GREB1: variants seen among roughly 807,000 people sequenced by gnomAD.
The protein encoded by GREB1 is protein GREB1.
A neutral mutation model predicts 200.7 loss-of-function variants in GREB1; 106 were observed. The ratio of observed to expected loss-of-function variants is 0.53; its 90% CI spans 0.45 to 0.62. The LOEUF (loss-of-function observed/expected upper bound fraction) is 0.62. Among genes scored for constraint, GREB1 ranks in the 20% least tolerant of loss-of-function variants. The pLI is 0.00. For synonymous variants in GREB1, 1,132 were observed against 1,092.4 expected, an observed-to-expected ratio of 1.04 and a Z score of -0.72; for missense variants, 2,243 against 2,556.8, an observed-to-expected ratio of 0.88 and a Z score of 2.65.
At chr2:11,573,239 G>A (rs770836751) in intron 4 of GREB1, among the ~76,000 whole-genome samples, 7 of 152,176 alleles carry the variant, frequency 4.6e-5, no homozygotes, top group Non-Finnish European at 8.8e-5. Context: ...CGCCCAGGAC[G>A]TGCTTGTTAA....
chr2:11,586,613 C>G (rs1680126474), intron 9 of GREB1, among the ~76,000 whole-genome samples: 1 of 152,200 alleles, frequency 6.6e-6, no homozygotes, highest in Non-Finnish European at 1.5e-5. Flanking sequence ...GGGCACGGCA[C>G]ACACACACCG....
At chr2:11,505,335 A>C (rs1673151413) in intron 1 of GREB1, among the ~76,000 whole-genome samples, 1 of 151,906 alleles carries the variant, frequency 6.6e-6, no homozygotes, top group South Asian at 2.1e-4. Flanking sequence ...AATGTCTCCT[A>C]ATGGCTCTGC....
At chr2:11,596,336 A>T in intron 13 of GREB1, 97 bp downstream of exon 13, 5 of 805,798 alleles carry the variant, frequency 6.2e-6, no homozygotes, top group South Asian at 1.6e-5. Context: ...GAGAGGGGCC[A>T]TGGCGCAAGT....
Position 11,634,418 on chromosome 2 carries a change from C to G in GREB1, c.5210+69C>G. Reference sequence around the variant, plus strand: ...GCGCAGAGTCCTGAGTGAGGGCAGCCTGGGGCTGCAGAGGCGTCCTGGCTG... The same window carrying G: ...GCGCAGAGTCCTGAGTGAGGGCAGCGTGGGGCTGCAGAGGCGTCCTGGCTG... On this transcript the variant is annotated intron_variant, in intron 29 of 32. Coordinates refer to ENST00000381486, the MANE Select transcript of GREB1 (RefSeq NM_014668.4). The G allele has an allele frequency of 3.1e-6, 4 of 1,293,922 alleles. No homozygotes were observed. In the South Asian group the frequency reaches 3.8e-5, roughly 12 times the overall value. 80.2% of individuals were successfully genotyped at this position (1,293,922 alleles called of 1,614,324 possible). A position where few individuals can be genotyped will look rare whatever the true frequency, so the allele number is the denominator to read the frequency against.
chr2:11,529,288 G>A (rs2148487028), upstream of GREB1, among the ~76,000 whole-genome samples: 1 of 152,322 alleles, frequency 6.6e-6, no homozygotes, highest in South Asian at 2.1e-4. Flanking sequence ...AAGATAAACT[G>A]AGGCGCTGGC....
intron 1 of GREB1, among the ~76,000 whole-genome samples, chr2:11,499,517 C>G (rs1279505663): frequency 2.6e-5 from 4 of 152,264 alleles, no homozygotes; most frequent in Non-Finnish European, 4.4e-5. Flanking sequence ...CTGTTAATTT[C>G]AGGCAAGAGC....
intron 4 of GREB1, among the ~76,000 whole-genome samples, chr2:11,571,529 C>T (rs2147999077): frequency 6.6e-6 from 1 of 152,314 alleles, no homozygotes; most frequent in Non-Finnish European, 1.5e-5. Context: ...TTGAGGATAA[C>T]TCCGCTCTTT....
intron 23 of GREB1, among the ~76,000 whole-genome samples, chr2:11,621,469 C>A (rs563556697): frequency 6.6e-6 from 1 of 152,246 alleles, no homozygotes; most frequent in East Asian, 1.9e-4. Flanking sequence ...TGTCTTGGGG[C>A]AAAATAGAAA....
At chr2:11,510,983 G>A (rs546171032) in intron 1 of GREB1, among the ~76,000 whole-genome samples, 4 of 152,052 alleles carry the variant, frequency 2.6e-5, no homozygotes, top group African/African-American at 7.2e-5. Context: ...AATTATGAAC[G>A]TATGGATTTT....
chr2:11,536,202 T>TG (rs1674286324), intron 1 of GREB1, among the ~76,000 whole-genome samples: 2 of 152,234 alleles, frequency 1.3e-5, no homozygotes, highest in East Asian at 3.9e-4. Context: ...ATGCTTGAAC[T>TG]GGGTCTTGAG....
Position 11,602,444 on chromosome 2 carries a change from G to A in GREB1, c.2568G>A (p.Gly856=), listed in dbSNP as rs773959971. The stretch of plus-strand genomic sequence containing the variant: ...ATCATGAAAATAAGAAGTACTTCGG[G>A]CTGTCGGAGTTTATTGAATCCACCC... The part of the protein sequence containing the change: ...DLYHENKKYF[G]LSEFIESTLS... The change falls in exon 17 of 33, where the codon GGG becomes GGA. Residue 856 remains glycine, a synonymous_variant. Transcript: ENST00000381486. The A allele has an allele frequency of 1.7e-5, 27 of 1,613,078 alleles. No homozygotes were observed. The highest frequency in any genetic ancestry group is 2.0e-5 in the Non-Finnish European group (23 of 1,179,040).
chr2:11,614,708 C>T (rs1376284615), intron 19 of GREB1, among the ~76,000 whole-genome samples: 3 of 151,832 alleles, frequency 2.0e-5, no homozygotes, highest in Admixed American at 6.6e-5. Context: ...GGACTACAGG[C>T]GCCCGCCACC....
intron 20 of GREB1, among the ~76,000 whole-genome samples, chr2:11,615,805 G>A (rs1683349169): frequency 6.6e-6 from 1 of 152,198 alleles, no homozygotes; most frequent in Admixed American, 6.5e-5. Flanking sequence ...AACATCGCAA[G>A]GCATTGACTA....
rs1043404955 is a variant in GREB1 at position 11,628,932 on chromosome 2, G to T, written c.4450-1016G>T. 3.3e-5 allele frequency among the ~76,000 whole-genome samples: 5 copies of T among 152,230 alleles called. No homozygotes were observed. The East Asian group carries it at 9.6e-4, about 29-fold the overall frequency. On this transcript the variant is annotated intron_variant, in intron 25 of 32. Transcript: ENST00000381486. ...ACCAGCTGGTGCGGGTGCAGAGGCC[G>T]CGTGGCCCCCTGGCTGCCCTCTCCA...
chr2:11,483,687 G>GTGTGTGTGTGTGTGTGT (rs1672573952), intron 1 of GREB1, among the ~76,000 whole-genome samples: 2 of 132,306 alleles, frequency 1.5e-5, no homozygotes, highest in African/African-American at 5.7e-5. Context: ...TACAAGAAGG[G>GTGTGTGTGTGTGTGTGT]GTGTGTGTGT....
chr2:11,621,339 T>C (rs1415046982), intron 23 of GREB1, among the ~76,000 whole-genome samples: 1 of 152,196 alleles, frequency 6.6e-6, no homozygotes, highest in African/African-American at 2.4e-5. Flanking sequence ...AATCACATGC[T>C]TGGGAGCCCA....
intron 3 of GREB1, chr2:11,562,980 C>CTTT: frequency 6.8e-6 from 1 of 147,190 alleles, no homozygotes; most frequent in Non-Finnish European, 1.5e-5. Flanking sequence ...TTCTTTCTTT[C>CTTT]TTTTTTTTTT....
intron 1 of GREB1, among the ~76,000 whole-genome samples, chr2:11,528,120 C>G (rs566096785): frequency 2.0e-5 from 3 of 152,334 alleles, no homozygotes; most frequent in South Asian, 4.1e-4. Context: ...TCAGACCTTC[C>G]TGGTCCTAGC....
intron 20 of GREB1, 39 bp from the exon 21 acceptor site, chr2:11,616,592 T>A (rs1024325310): frequency 8.2e-7 from 1 of 1,223,618 alleles, no homozygotes; most frequent in Non-Finnish European, 1.2e-6. Flanking sequence ...TCAGGAATGG[T>A]GATTTCGGTG....
Sources: gnomAD v4.1 joint callset for allele counts (sites outside exome capture counted in the v4.1 genomes callset) on GRCh38, gnomAD v4.1.1 for gene constraint, MANE v1.5 for transcripts, NCBI Gene and HGNC (gene_info 2026-07-23, HGNC 2026-07-21) for gene names.